Variants in ANKRD30B observed in about 807,000 individuals in gnomAD.
The protein encoded by ANKRD30B is ankyrin repeat domain 30B.
A neutral mutation model predicts 202.2 loss-of-function variants in ANKRD30B; 144 were observed. The observed-to-expected ratio is 0.71, with a 90% CI of 0.62 to 0.82. The LOEUF is 0.82. ANKRD30B is among the 40% of genes least tolerant of loss of function. The pLI is 0.00. For synonymous variants in ANKRD30B, 508 were observed against 561.3 expected (o/e 0.91, Z 1.34); for missense variants, 1,487 against 1,669.1 (o/e 0.89, Z 1.90).
chr18:14,916,407 T>C, the ANKRD30B span, among the ~76,000 whole-genome samples: 1 of 152,208 alleles, frequency 6.6e-6, no homozygotes, highest in African/African-American at 2.4e-5. Flanking sequence ...AGGATACCAC[T>C]TTACAGAATA....
chr18:14,765,185 G>A (rs11664097), intron 7 of ANKRD30B, among the ~76,000 whole-genome samples: 3,289 of 152,282 alleles, frequency 0.022, 53 homozygotes, highest in Middle Eastern at 0.061. Context: ...AGACCGCTGG[G>A]TGTGGTGGCT....
chr18:14,810,398 C>A, intron 28 of ANKRD30B, among the ~76,000 whole-genome samples: 2 of 151,200 alleles, frequency 1.3e-5, no homozygotes, highest in East Asian at 1.9e-4. Context: ...TCATGTGGTT[C>A]TTCTTTAATA....
At chr18:14,911,075 G>A in the ANKRD30B span, among the ~76,000 whole-genome samples, 2 of 151,876 alleles carry the variant, frequency 1.3e-5, no homozygotes, top group Admixed American at 6.6e-5. Context: ...TAGGTTGTCT[G>A]TTTACTCCAT....
chr18:14,917,326 A>C, the ANKRD30B span, among the ~76,000 whole-genome samples: 1 of 151,366 alleles, frequency 6.6e-6, no homozygotes, highest in Admixed American at 6.6e-5. Context: ...TTCCTTTCTC[A>C]TTGCCTTTCT....
At chr18:14,928,513 C>A in the ANKRD30B span, among the ~76,000 whole-genome samples, 1 of 152,182 alleles carries the variant, frequency 6.6e-6, no homozygotes, top group African/African-American at 2.4e-5. Context: ...TGTCAGATGG[C>A]CCGAGTAGGG....
At chr18:14,786,889 A>C in intron 14 of ANKRD30B, 150 bp from the exon 15 acceptor site, 1 of 651,798 alleles carries the variant, frequency 1.5e-6, no homozygotes, top group Non-Finnish European at 2.4e-6. Flanking sequence ...TGGAGTGACT[A>C]TAGAAGTAGT....
At chr18:14,816,925 A>G (rs1363642347) in intron 30 of ANKRD30B, 3 of 152,198 alleles carry the variant, frequency 2.0e-5, no homozygotes, top group Non-Finnish European at 4.4e-5. Context: ...GAACACATGG[A>G]CACAGGAAGG....
intron 16 of ANKRD30B, among the ~76,000 whole-genome samples, chr18:14,792,793 G>A (rs1156917265): frequency 6.6e-6 from 1 of 151,624 alleles, no homozygotes; most frequent in Admixed American, 6.6e-5. Flanking sequence ...AGATATACTA[G>A]AATGTAAGAA....
chr18:14,939,962 C>T, the ANKRD30B span, among the ~76,000 whole-genome samples: 3 of 152,126 alleles, frequency 2.0e-5, no homozygotes, highest in Non-Finnish European at 4.4e-5. Context: ...TGGGCACTGC[C>T]CTTATCCAAA....
the ANKRD30B span, among the ~76,000 whole-genome samples, chr18:14,882,026 C>A: frequency 6.6e-6 from 1 of 152,072 alleles, no homozygotes; most frequent in Non-Finnish European, 1.5e-5. Context: ...AATGGTCTAT[C>A]GATTTTATTT....
At chr18:14,757,274 C>T (rs1309151358) in intron 4 of ANKRD30B, among the ~76,000 whole-genome samples, 1 of 152,056 alleles carries the variant, frequency 6.6e-6, no homozygotes, top group Non-Finnish European at 1.5e-5. Flanking sequence ...TACATAATAC[C>T]GAGTATGACT....
chr18:14,908,824 C>G, the ANKRD30B span, among the ~76,000 whole-genome samples: 1 of 152,126 alleles, frequency 6.6e-6, no homozygotes, highest in Non-Finnish European at 1.5e-5. Flanking sequence ...AGGGCCCTCC[C>G]CTGTGGTATG....
At chr18:14,836,942 C>A (rs1053225086) in intron 34 of ANKRD30B, among the ~76,000 whole-genome samples, 1 of 152,108 alleles carries the variant, frequency 6.6e-6, no homozygotes, top group African/African-American at 2.4e-5. Context: ...ATTTTATTGA[C>A]TTAAATTGTA....
At chr18:14,907,385 G>A in the ANKRD30B span, among the ~76,000 whole-genome samples, 2 of 152,134 alleles carry the variant, frequency 1.3e-5, no homozygotes, top group Non-Finnish European at 2.9e-5. Context: ...TTTCATTGCT[G>A]GTTTGTTGTG....
At chr18:14,800,004 G>A (rs1249379331) in intron 22 of ANKRD30B, among the ~76,000 whole-genome samples, 3 of 151,894 alleles carry the variant, frequency 2.0e-5, no homozygotes, top group Non-Finnish European at 4.4e-5. Flanking sequence ...ACCAAGGTGG[G>A]CAGATTACTT....
the ANKRD30B span, among the ~76,000 whole-genome samples, chr18:14,917,508 A>T: frequency 6.6e-6 from 1 of 152,146 alleles, no homozygotes; most frequent in Non-Finnish European, 1.5e-5. Flanking sequence ...CACCCTGGAC[A>T]CCAGCCATTT....
At chr18:14,837,495 C>A in intron 35 of ANKRD30B, 120 bp from the exon 36 acceptor site, 1 of 942,930 alleles carries the variant, frequency 1.1e-6, no homozygotes, top group Non-Finnish European at 1.5e-6. Context: ...TTCTGAAATT[C>A]TATTTTTGCT....
At chr18:14,783,079 T>C (rs1468863436) in intron 12 of ANKRD30B, among the ~76,000 whole-genome samples, 1 of 152,186 alleles carries the variant, frequency 6.6e-6, no homozygotes, top group Admixed American at 6.5e-5. Context: ...TTTTTTCACT[T>C]TTCCTGTCTT....
At chr18:14,933,777 C>A in the ANKRD30B span, among the ~76,000 whole-genome samples, 1 of 152,100 alleles carries the variant, frequency 6.6e-6, no homozygotes, top group African/African-American at 2.4e-5. Context: ...GGAGGGAAGG[C>A]GCATTGAGAC....
Sources: allele counts gnomAD v4.1 joint callset (sites outside exome capture counted in the v4.1 genomes callset), GRCh38; gene constraint gnomAD v4.1.1; transcripts MANE v1.5; gene names NCBI Gene and HGNC (gene_info 2026-07-23, HGNC 2026-07-21).